Variants in BNC2 observed in about 807,000 individuals in gnomAD.
The protein encoded by BNC2 is zinc finger protein basonuclin-2.
Under a neutral mutation model 76.3 loss-of-function variants are expected in BNC2, and 20 were observed. The observed-to-expected ratio is 0.26, with a 90% CI of 0.18 to 0.38. The LOEUF (loss-of-function observed/expected upper bound fraction) is 0.38, where lower values mean the gene tolerates loss of function less well. Among genes scored for constraint, BNC2 ranks in the 10% least tolerant of loss-of-function variants. The pLI is 1.00. For missense variants in BNC2, 1,382 were observed against 1,399.8 expected (o/e 0.99, Z 0.20); for synonymous variants, 582 against 514.8 (o/e 1.13, Z -1.77).
At chr9:16,770,254 G>A (rs1825799428) in intron 1 of BNC2, among the ~76,000 whole-genome samples, 1 of 152,132 alleles carries the variant, frequency 6.6e-6, no homozygotes, top group African/African-American at 2.4e-5. Context: ...TAAGATCAGG[G>A]CCAACCCTGT....
At chr9:16,597,243 A>G (rs1475764573) in intron 3 of BNC2, among the ~76,000 whole-genome samples, 1 of 152,182 alleles carries the variant, frequency 6.6e-6, no homozygotes, top group Non-Finnish European at 1.5e-5. Flanking sequence ...TTTTAAAAAG[A>G]GCCTTACTGG....
intron 5 of BNC2, among the ~76,000 whole-genome samples, chr9:16,505,122 G>A (rs1212978667): frequency 6.6e-6 from 1 of 152,146 alleles, no homozygotes; most frequent in Non-Finnish European, 1.5e-5. Flanking sequence ...TATCTTCTGG[G>A]AAGATAAATG....
At chr9:16,705,414 T>C (rs1483143146) in intron 3 of BNC2, among the ~76,000 whole-genome samples, 2 of 152,114 alleles carry the variant, frequency 1.3e-5, no homozygotes, top group Admixed American at 1.3e-4. Context: ...CTCAGCCTTA[T>C]CCAGCAACAC....
rs546231486 is a variant in BNC2, at chr9:16,865,927, G to C, written c.3+4719C>G. ...CAAATTAAATTATAGCTGAACTCTT[G>C]AGTGTACTGAGGGTTCTAATAAGCA... On this transcript the variant is annotated intron_variant, in intron 1 of 6. Coordinates refer to ENST00000380672, the MANE Select transcript of BNC2 (RefSeq NM_017637.6). 3.9e-5 allele frequency among the ~76,000 whole-genome samples: 6 copies of C among 152,248 alleles called. No homozygotes were observed. The South Asian group carries it at 1.2e-3, about 32-fold the overall frequency.
intron 4 of BNC2, among the ~76,000 whole-genome samples, chr9:16,558,178 C>G (rs1205263384): frequency 6.6e-6 from 1 of 152,112 alleles, no homozygotes; most frequent in Non-Finnish European, 1.5e-5. Flanking sequence ...CTGAATACTC[C>G]TTAGCCAGGC....
At position 16,649,509 on chromosome 9, in the gene BNC2, A is replaced by G. The variant is rs374071084; in HGVS notation, c.331-66424T>C. ...GAGCACTGGTGCACAAGAGCTTACA[A>G]TTAGAGACAGAAAAGGGAAGTATGG... On this transcript the variant is annotated intron_variant, in intron 3 of 6. Coordinates refer to ENST00000380672, the MANE Select transcript of BNC2 (RefSeq NM_017637.6). Among the ~76,000 whole-genome samples the G allele has an allele frequency of 7.2e-5, 11 of 152,308 alleles. No individual in the cohort carries two copies. The East Asian group carries it at 1.7e-3, about 24-fold the overall frequency.
Position 16,435,956 on chromosome 9 carries a change from G to T in BNC2, c.2238C>A (p.Ser746Arg), listed in dbSNP as rs186911225. Residue 746 changes from serine to arginine, a missense_variant, in exon 6 of 7, where the codon AGC (serine) becomes AGA (arginine). Physicochemically the swap from Ser to Arg is moderately radical, Grantham distance 110. Coordinates refer to ENST00000380672, the MANE Select transcript of BNC2 (RefSeq NM_017637.6). ...TCATCAGGACTTTTTCACTCACTTC[G>T]CTGTGAATGTGCTCATCCCCTTCCA... ...ESMEGDEHIH[S>R]EVSEKVLMNS... is the part of the protein sequence containing the mutation. 1.2e-6 allele frequency: 2 copies of T among 1,614,060 alleles called. No homozygotes were observed. Among genetic ancestry groups the T allele is most frequent in the South Asian group, 1.1e-5 (1 of 91,066 alleles).
At chr9:16,688,138 T>C (rs184050482) in intron 3 of BNC2, among the ~76,000 whole-genome samples, 95 of 152,310 alleles carry the variant, frequency 6.2e-4, no homozygotes, top group African/African-American at 2.0e-3. Flanking sequence ...GAACGGTTCA[T>C]GGTCTAAAAA....
chr9:16,646,080 C>G (rs1230474323), intron 3 of BNC2, among the ~76,000 whole-genome samples: 5 of 152,156 alleles, frequency 3.3e-5, no homozygotes, highest in Admixed American at 6.6e-5. Flanking sequence ...TTCCAGTTAG[C>G]AAAACAGTTT....
In BNC2 at chr9:16,845,390, T is replaced by A. The variant is rs185257671; in HGVS notation, c.3+25256A>T. ...TTTTCAAATGCTACAAGTCATAATA[T>A]ACGCATTAGAAAGAAACCACGGTAG... On this transcript the variant is annotated intron_variant, in intron 1 of 6. Coordinates refer to ENST00000380672, the MANE Select transcript of BNC2 (RefSeq NM_017637.6). 6.3e-3 allele frequency among the ~76,000 whole-genome samples: 966 copies of A among 152,250 alleles called. 10 individuals are homozygous for A. The highest frequency in any genetic ancestry group is 0.022 in the African/African-American group (908 of 41,550).
At chr9:16,580,275 T>A (rs1281558374) in intron 4 of BNC2, 2 of 397,458 alleles carry the variant, frequency 5.0e-6, no homozygotes, top group African/African-American at 4.1e-5. Flanking sequence ...GCCTCATGAA[T>A]GGGGAGAGTG....
chr9:16,552,248 A>G (rs138887810), intron 5 of BNC2, among the ~76,000 whole-genome samples: 10 of 152,294 alleles, frequency 6.6e-5, no homozygotes, highest in African/African-American at 2.4e-4. Context: ...GACTTGTTGA[A>G]GAAGCCAGAA....
At chr9:16,754,565 T>TC (rs1825321026) in intron 1 of BNC2, among the ~76,000 whole-genome samples, 1 of 151,944 alleles carries the variant, frequency 6.6e-6, no homozygotes, top group Non-Finnish European at 1.5e-5. Flanking sequence ...CATTTTTTTT[T>TC]CTTTTTTCTT....
Position 16,865,017 on chromosome 9 carries a change from C to T in BNC2, c.3+5629G>A, listed in dbSNP as rs149739931. ...ACACAGAGGCTTTTGTGTCTGGGTACACGTCTGGCTTTGGACTGAAAAAAA... is the reference window on the plus strand; with the variant it reads ...ACACAGAGGCTTTTGTGTCTGGGTATACGTCTGGCTTTGGACTGAAAAAAA... On this transcript the variant is annotated intron_variant, in intron 1 of 6. Transcript: ENST00000380672. Among the ~76,000 whole-genome samples, 3 of 129,852 alleles carry T rather than the reference C, an allele frequency of 2.3e-5. No homozygotes were observed. In the Admixed American group the frequency reaches 2.7e-4, roughly 12 times the overall value. The allele number at this position is 129,852 out of a possible 152,430, so 85.2% of individuals were successfully genotyped here. A position where few individuals can be genotyped will look rare whatever the true frequency, so the allele number is the denominator to read the frequency against.
intron 5 of BNC2, among the ~76,000 whole-genome samples, chr9:16,516,419 G>C (rs964170878): frequency 6.6e-6 from 1 of 151,700 alleles, no homozygotes; most frequent in African/African-American, 2.4e-5. Context: ...AGTTTACAGT[G>C]GATAACAGTT....
chr9:16,565,894 A>T (rs1382404901), intron 4 of BNC2, among the ~76,000 whole-genome samples: 1 of 152,088 alleles, frequency 6.6e-6, no homozygotes, highest in African/African-American at 2.4e-5. Context: ...CATAATTTCA[A>T]TGGGGTGGGA....
At chr9:16,639,069 T>C (rs551425965) in intron 3 of BNC2, among the ~76,000 whole-genome samples, 1 of 152,306 alleles carries the variant, frequency 6.6e-6, no homozygotes, top group South Asian at 2.1e-4. Flanking sequence ...TCATGTGTAA[T>C]AGGCTATTTT....
At chr9:16,809,110 C>G (rs1817982624) in intron 1 of BNC2, among the ~76,000 whole-genome samples, 1 of 152,128 alleles carries the variant, frequency 6.6e-6, no homozygotes, top group African/African-American at 2.4e-5. Context: ...TAAAGTAGAT[C>G]AGTTGTTTCG....
intron 3 of BNC2, among the ~76,000 whole-genome samples, chr9:16,643,474 C>A (rs1197988327): frequency 6.6e-6 from 1 of 152,038 alleles, no homozygotes; most frequent in East Asian, 1.9e-4. Flanking sequence ...TCAACCTTGG[C>A]TATACATTTG....
Sources: gnomAD v4.1 joint callset for allele counts (sites outside exome capture counted in the v4.1 genomes callset) on GRCh38, gnomAD v4.1.1 for gene constraint, MANE v1.5 for transcripts, NCBI Gene and HGNC (gene_info 2026-07-23, HGNC 2026-07-21) for gene names.